Variants in YAE1 observed in about 807,000 individuals in gnomAD.
The protein encoded by YAE1 is protein YAE1 homolog.
YAE1 carries 22 observed loss-of-function variants against 23.0 expected under a neutral mutation model. The ratio of observed to expected loss-of-function variants is 0.96; its 90% CI spans 0.68 to 1.37. The LOEUF (loss-of-function observed/expected upper bound fraction) is 1.37. Ranked by LOEUF, YAE1 falls within the 40% of genes most tolerant of loss-of-function variation. YAE1 has a pLI of 0.00. For synonymous variants in YAE1, 101 were observed against 97.0 expected, an observed-to-expected ratio of 1.04 and a Z score of -0.24; for missense variants, 260 against 262.1, an observed-to-expected ratio of 0.99 and a Z score of 0.06.
At chr7:39,609,131 G>GT (rs1791169353) in intron 2 of YAE1, among the ~76,000 whole-genome samples, 1 of 152,230 alleles carries the variant, frequency 6.6e-6, no homozygotes. Context: ...CAAGAAAGCA[G>GT]TGAGGAAGAA....
At chr7:39,591,510 T>A (rs1562594447) in intron 2 of YAE1, among the ~76,000 whole-genome samples, 1 of 152,212 alleles carries the variant, frequency 6.6e-6, no homozygotes, top group Admixed American at 6.5e-5. Flanking sequence ...AAGGATTTTT[T>A]AAAATAGACT....
chr7:39,576,416 G>A (rs1158934334), downstream of YAE1, among the ~76,000 whole-genome samples: 3 of 151,926 alleles, frequency 2.0e-5, no homozygotes. Context: ...TGAAGTGTTG[G>A]GCCCAAAAGA....
At chr7:39,578,564 T>C (rs902198338) in intron 2 of YAE1, among the ~76,000 whole-genome samples, 6 of 152,002 alleles carry the variant, frequency 3.9e-5, no homozygotes, top group South Asian at 4.2e-4. Flanking sequence ...CACGAACCCA[T>C]TGGAAGAATG....
At chr7:39,594,559 T>C (rs1790949193) in intron 2 of YAE1, among the ~76,000 whole-genome samples, 1 of 152,142 alleles carries the variant, frequency 6.6e-6, no homozygotes, top group South Asian at 2.1e-4. Context: ...ACTTGTGGAA[T>C]GGTTGGTCTG....
exon 3 of YAE1, chr7:39,610,289 G>C: frequency 2.0e-6 from 1 of 500,676 alleles, no homozygotes. Flanking sequence ...GAAGCTTTTT[G>C]TTGCAGATCT....
At chr7:39,576,185 C>T (rs993082758), downstream of YAE1, among the ~76,000 whole-genome samples, 19 of 152,208 alleles carry the variant, frequency 1.2e-4, no homozygotes, top group African/African-American at 4.3e-4. Context: ...ATCTTTCAAA[C>T]AGTTTGAGTC....
At chr7:39,579,598 G>T (rs7458034) in intron 2 of YAE1, among the ~76,000 whole-genome samples, 1 of 151,010 alleles carries the variant, frequency 6.6e-6, no homozygotes, top group Non-Finnish European at 1.5e-5. Context: ...GAACCCAGGA[G>T]GTGGGGGTGC....
chr7:39,585,183 T>C (rs2115807664), intron 2 of YAE1, among the ~76,000 whole-genome samples: 1 of 152,332 alleles, frequency 6.6e-6, no homozygotes, highest in Non-Finnish European at 1.5e-5. Context: ...GTAAAATATT[T>C]AGATATTCAG....
At chr7:39,578,657 T>A (rs377510561) in intron 2 of YAE1, among the ~76,000 whole-genome samples, 261 of 152,036 alleles carry the variant, frequency 1.7e-3, no homozygotes, top group Middle Eastern at 0.01. Context: ...AGTGAGACCA[T>A]GAACCCGCCA....
chr7:39,595,771 A>C (rs575820797), intron 2 of YAE1, among the ~76,000 whole-genome samples: 1 of 152,302 alleles, frequency 6.6e-6, no homozygotes, highest in African/African-American at 2.4e-5. Flanking sequence ...GGCATACAAC[A>C]TGGGTGAGTT....
chr7:39,592,307 T>C (rs2115823963), intron 2 of YAE1, among the ~76,000 whole-genome samples: 1 of 152,342 alleles, frequency 6.6e-6, no homozygotes, highest in East Asian at 1.9e-4. Context: ...AAGCAATAAA[T>C]GAAAGTTCCT....
intron 2 of YAE1, among the ~76,000 whole-genome samples, chr7:39,599,968 TA>T (rs1276428692): frequency 6.6e-6 from 1 of 152,220 alleles, no homozygotes; most frequent in Admixed American, 6.5e-5. Context: ...TGGCCATTAT[TA>T]TTGTTTTTAG....
At chr7:39,566,688 C>A in intron 1 of YAE1, 141 bp downstream of exon 1, 2 of 1,172,958 alleles carry the variant, frequency 1.7e-6, no homozygotes, top group East Asian at 2.7e-5. Context: ...CCGCGTCTTG[C>A]TAGGATTTCT....
At chr7:39,574,157 T>G (rs1376096117), downstream of YAE1, among the ~76,000 whole-genome samples, 1 of 152,230 alleles carries the variant, frequency 6.6e-6, no homozygotes, top group Non-Finnish European at 1.5e-5. Context: ...CTTTTCCTGA[T>G]AAGATTCCCT....
chr7:39,584,263 G>A (rs913424355), intron 2 of YAE1, among the ~76,000 whole-genome samples: 1 of 152,072 alleles, frequency 6.6e-6, no homozygotes, highest in South Asian at 2.1e-4. Flanking sequence ...GAAAGTTTTT[G>A]GAAACTCTCA....
chr7:39,591,238 G>A (rs541091679), intron 2 of YAE1, among the ~76,000 whole-genome samples: 2 of 152,030 alleles, frequency 1.3e-5, no homozygotes, highest in Non-Finnish European at 2.9e-5. Flanking sequence ...AATACCTTTG[G>A]GTCTTCAATT....
chr7:39,594,351 T>G (rs1358503545), intron 2 of YAE1, among the ~76,000 whole-genome samples: 1 of 152,222 alleles, frequency 6.6e-6, no homozygotes, highest in Non-Finnish European at 1.5e-5. Flanking sequence ...TGTATGATTA[T>G]GAGTCTGTGA....
chr7:39,588,135 G>A (rs1401667963), intron 2 of YAE1, among the ~76,000 whole-genome samples: 2 of 152,072 alleles, frequency 1.3e-5, no homozygotes, highest in Non-Finnish European at 2.9e-5. Flanking sequence ...ATATTTCTGT[G>A]GACTATTTAG....
At chr7:39,609,763 C>G in exon 3 of YAE1, 1 of 1,534,698 alleles carries the variant, frequency 6.5e-7, no homozygotes, top group African/African-American at 1.4e-5. Flanking sequence ...CTCGAGGCGA[C>G]GCTGCTGAGC....
Sources: allele counts gnomAD v4.1 joint callset (sites outside exome capture counted in the v4.1 genomes callset), GRCh38; gene constraint gnomAD v4.1.1; transcripts MANE v1.5; gene names NCBI Gene and HGNC (gene_info 2026-07-23, HGNC 2026-07-21).